The following TACR1 variants were observed in gnomAD, a reference collection of about 807,000 sequenced individuals.
The protein encoded by TACR1 is tachykinin receptor 1.
Under a neutral mutation model 35.8 loss-of-function variants are expected in TACR1, and 25 were observed. The ratio of observed to expected loss-of-function variants is 0.70; its 90% confidence interval spans 0.51 to 0.98. TACR1 has a LOEUF of 0.98. TACR1 is among the 50% of genes least tolerant of loss of function. The probability of loss-of-function intolerance (pLI) is 0.00; values close to 1 mark genes in which losing one functional copy is unlikely to be tolerated. For synonymous variants in TACR1, 195 were observed against 206.7 expected (o/e 0.94, Z 0.48); for missense variants, 478 against 522.9 (o/e 0.91, Z 0.84).
chr2:75,159,497 A>G (rs1380045402), intron 1 of TACR1, among the ~76,000 whole-genome samples: 1 of 152,228 alleles, frequency 6.6e-6, no homozygotes, highest in Non-Finnish European at 1.5e-5. Flanking sequence ...ATGCCAGGAA[A>G]CAGGAAGAAT....
chr2:75,166,252 T>C (rs1163466905), intron 1 of TACR1, among the ~76,000 whole-genome samples: 4 of 152,208 alleles, frequency 2.6e-5, no homozygotes, highest in Non-Finnish European at 5.9e-5. Flanking sequence ...AAATTCAACA[T>C]CCATTTTTGA....
chr2:75,172,936 A>T (rs1675325792), intron 1 of TACR1, among the ~76,000 whole-genome samples: 1 of 151,748 alleles, frequency 6.6e-6, no homozygotes, highest in Non-Finnish European at 1.5e-5. Flanking sequence ...CCTTTTTTTT[A>T]AAATCAGGAT....
intron 1 of TACR1, among the ~76,000 whole-genome samples, chr2:75,173,290 T>A (rs1675334129): frequency 6.6e-6 from 1 of 152,160 alleles, no homozygotes; most frequent in African/African-American, 2.4e-5. Context: ...TTTCCATAAT[T>A]TTTTCTACTT....
chr2:75,167,188 T>C (rs898548367), intron 1 of TACR1, among the ~76,000 whole-genome samples: 2 of 152,228 alleles, frequency 1.3e-5, no homozygotes, highest in African/African-American at 4.8e-5. Flanking sequence ...GGAAGGCTTA[T>C]AATTGAAAGG....
chr2:75,054,470 T>C (rs11680315), intron 2 of TACR1, among the ~76,000 whole-genome samples: 28,468 of 152,074 alleles, frequency 0.19, 2,950 homozygotes, highest in South Asian at 0.25. Context: ...GTCCCTGAAT[T>C]ACCCATTGGA....
At chr2:75,134,968 A>G (rs1674250395) in intron 1 of TACR1, among the ~76,000 whole-genome samples, 3 of 152,208 alleles carry the variant, frequency 2.0e-5, no homozygotes, top group Admixed American at 2.0e-4. Context: ...CTTTCAAAGG[A>G]ATACATGAAA....
At chr2:75,113,532 C>CCTTTTT (rs1673791802) in intron 2 of TACR1, among the ~76,000 whole-genome samples, 1 of 92,084 alleles carries the variant, frequency 1.1e-5, no homozygotes, top group African/African-American at 4.5e-5. Context: ...TTTCTTCTTC[C>CCTTTTT]TTTTTTTTTT....
chr2:75,183,892 T>G (rs2104057309), intron 1 of TACR1, among the ~76,000 whole-genome samples: 1 of 152,290 alleles, frequency 6.6e-6, no homozygotes. Context: ...GCATGATGAG[T>G]AAACAGAGAA....
chr2:75,165,790 T>C (rs987760350), intron 1 of TACR1, among the ~76,000 whole-genome samples: 10 of 152,314 alleles, frequency 6.6e-5, no homozygotes, highest in African/African-American at 1.9e-4. Context: ...ACTTCTGATA[T>C]GACAAATGCC....
chr2:75,135,147 TATG>T (rs1674253188), intron 1 of TACR1, among the ~76,000 whole-genome samples: 1 of 152,200 alleles, frequency 6.6e-6, no homozygotes, highest in Non-Finnish European at 1.5e-5. Context: ...CTGCCTGAAT[TATG>T]ACTTTCCTCT....
At chr2:75,066,214 A>C (rs1558541017) in intron 2 of TACR1, among the ~76,000 whole-genome samples, 1 of 152,160 alleles carries the variant, frequency 6.6e-6, no homozygotes, top group East Asian at 1.9e-4. Context: ...CTTTGGGTAA[A>C]AGAGAGATAT....
At chr2:75,177,369 T>C (rs1351702717) in intron 1 of TACR1, among the ~76,000 whole-genome samples, 1 of 152,226 alleles carries the variant, frequency 6.6e-6, no homozygotes, top group Non-Finnish European at 1.5e-5. Flanking sequence ...CTCAGTTTCT[T>C]GTCGTCCTCA....
chr2:75,095,687 A>C (rs1038254330), intron 2 of TACR1, among the ~76,000 whole-genome samples: 11 of 152,130 alleles, frequency 7.2e-5, no homozygotes, highest in African/African-American at 2.7e-4. Context: ...CGCTCGCCTA[A>C]TATCCAGGAG....
intron 1 of TACR1, among the ~76,000 whole-genome samples, chr2:75,177,359 C>T (rs936806150): frequency 7.9e-5 from 12 of 152,208 alleles, no homozygotes; most frequent in Admixed American, 5.2e-4. Context: ...AACTCCCTGA[C>T]TCAGTTTCTT....
intron 2 of TACR1, among the ~76,000 whole-genome samples, chr2:75,070,206 C>T (rs1020096152): frequency 6.6e-6 from 1 of 150,818 alleles, no homozygotes; most frequent in African/African-American, 2.5e-5. Flanking sequence ...GACCTACCCC[C>T]AACATTGTAT....
chr2:75,058,483 G>T (rs1672613261), intron 2 of TACR1, among the ~76,000 whole-genome samples: 1 of 152,080 alleles, frequency 6.6e-6, no homozygotes, highest in Non-Finnish European at 1.5e-5. Flanking sequence ...GAAGAGATCT[G>T]GGGTTAAGGA....
chr2:75,046,867 A>G lies in TACR1; in HGVS notation c.*2565T>C, dbSNP rs1375091623. On this transcript the variant is annotated 3_prime_UTR_variant, in exon 5 of 5. Transcript: ENST00000305249. ...TCACATTTTGGAAGTCACGTAACAAAGATGGTTCCTTGATATTTCATATTC... is the reference window on the plus strand; with the variant it reads ...TCACATTTTGGAAGTCACGTAACAAGGATGGTTCCTTGATATTTCATATTC... 1 of 152,246 alleles carries G rather than the reference A, an allele frequency of 6.6e-6. No individual in the cohort carries two copies. Among genetic ancestry groups the G allele is most frequent in the East Asian group, 1.9e-4 (1 of 5,196 alleles). The allele number at this position is 152,246 out of a possible 1,614,324, so 9.4% of individuals were successfully genotyped here.
At chr2:75,154,526 A>T (rs192575222) in intron 1 of TACR1, 6,100 of 116,046 alleles carry the variant, frequency 0.053, 371 homozygotes, top group Middle Eastern at 0.1. Flanking sequence ...ACACACACAC[A>T]CTCTCTGAAG....
At chr2:75,058,397 G>C (rs889943978) in intron 2 of TACR1, among the ~76,000 whole-genome samples, 1 of 152,120 alleles carries the variant, frequency 6.6e-6, no homozygotes, top group South Asian at 2.1e-4. Flanking sequence ...GCTTGCTTTG[G>C]CTTTCATTCT....
Sources: gnomAD v4.1 joint callset for allele counts (sites outside exome capture counted in the v4.1 genomes callset) on GRCh38, gnomAD v4.1.1 for gene constraint, MANE v1.5 for transcripts, NCBI Gene and HGNC (gene_info 2026-07-23, HGNC 2026-07-21) for gene names.